Variants in XAF1 observed in about 807,000 individuals in gnomAD.
XAF1 encodes the protein XIAP associated factor 1, also known as XIAP-associated factor 1.
In XAF1, 32 loss-of-function variants were observed where a neutral mutation model predicts 32.3. The ratio of observed to expected loss-of-function variants is 0.99; its 90% CI spans 0.75 to 1.33. The LOEUF is 1.33. Among genes scored for constraint, XAF1 ranks in the 40% most tolerant of loss-of-function variants. The pLI is 0.00. For synonymous variants in XAF1, 120 were observed against 125.9 expected (o/e 0.95, Z 0.31); for missense variants, 379 against 366.0 (o/e 1.04, Z -0.29).
At chr17:6,756,405 A>G in intron 1 of XAF1, 1 of 714,752 alleles carries the variant, frequency 1.4e-6, no homozygotes. Context: ...GGCTACTCAT[A>G]CTTGTGAGAC....
At chr17:6,770,436 A>G (rs879461391) in intron 5 of XAF1, among the ~76,000 whole-genome samples, 8 of 152,202 alleles carry the variant, frequency 5.3e-5, no homozygotes, top group African/African-American at 1.4e-4. Context: ...CATTCAAACC[A>G]TAGCAACCAG....
intron 5 of XAF1, among the ~76,000 whole-genome samples, chr17:6,764,692 C>G (rs1270293119): frequency 6.6e-6 from 1 of 152,050 alleles, no homozygotes; most frequent in Non-Finnish European, 1.5e-5. Flanking sequence ...ACTTCTGATC[C>G]CATTTCCTAT....
chr17:6,766,246 C>T (rs1975622317), intron 5 of XAF1, among the ~76,000 whole-genome samples: 1 of 152,196 alleles, frequency 6.6e-6, no homozygotes, highest in South Asian at 2.1e-4. Context: ...TTTTCCATAG[C>T]ATTTGCCAAC....
chr17:6,763,450 C>G (rs974412826), intron 5 of XAF1, among the ~76,000 whole-genome samples: 1 of 152,152 alleles, frequency 6.6e-6, no homozygotes, highest in Non-Finnish European at 1.5e-5. Flanking sequence ...GCCTCAGCCT[C>G]CGGAGTAGCT....
chr17:6,756,498 C>T (rs984546575), intron 1 of XAF1, among the ~76,000 whole-genome samples: 2 of 151,616 alleles, frequency 1.3e-5, no homozygotes, highest in African/African-American at 4.8e-5. Flanking sequence ...TTCTCCAGGA[C>T]TACTCTCACC....
Position 6,773,484 on chromosome 17 carries a change from G to A in XAF1, c.*315G>A, listed in dbSNP as rs998022444. 1 of 273,874 alleles carries A rather than the reference G, an allele frequency of 3.7e-6. No homozygotes were observed. Among genetic ancestry groups the A allele is most frequent in the East Asian group, 1.1e-4 (1 of 9,096 alleles). 17.0% of individuals were successfully genotyped at this position (273,874 alleles called of 1,614,324 possible). The stretch of plus-strand genomic sequence containing the variant: ...CATCATACTGAATGAGCAAAAGCTG[G>A]AGCATTACTCTTGAGAAGTAGAACA... On this transcript the variant is annotated 3_prime_UTR_variant, in exon 7 of 7. Transcript: ENST00000361842.
chr17:6,758,365 A>G (rs1414909816), intron 2 of XAF1, 141 bp downstream of exon 2: 5 of 1,254,132 alleles, frequency 4.0e-6, no homozygotes, highest in Non-Finnish European at 5.5e-6. Context: ...AGTCAAGGCA[A>G]GTGTTCAGTC....
At chr17:6,768,724 G>T (rs1286733875) in intron 5 of XAF1, among the ~76,000 whole-genome samples, 1 of 152,096 alleles carries the variant, frequency 6.6e-6, no homozygotes, top group Non-Finnish European at 1.5e-5. Context: ...CAGCCTAATT[G>T]CCATTCCTTT....
chr17:6,775,521 A>G lies in XAF1; in HGVS notation c.*2352A>G, dbSNP rs983304174. ...ACTACAAATAAACCAACGGGAAAAA[A>G]GAAAGGTTCCAGTTTTGTCTGAAAA... On this transcript the variant is annotated 3_prime_UTR_variant, in exon 7 of 7. Coordinates refer to ENST00000361842, the MANE Select transcript of XAF1 (RefSeq NM_017523.5). 2.0e-5 allele frequency: 3 copies of G among 152,282 alleles called. No individual in the cohort carries two copies. Among genetic ancestry groups the G allele is most frequent in the African/African-American group, 7.2e-5 (3 of 41,476 alleles). 9.4% of individuals were successfully genotyped at this position (152,282 alleles called of 1,614,324 possible).
intron 2 of XAF1, chr17:6,759,361 G>A (rs1974988086): frequency 2.2e-6 from 3 of 1,347,206 alleles, no homozygotes. Flanking sequence ...CTGGAAGGCA[G>A]TCAGATGGAG....
intron 1 of XAF1, 37 bp downstream of exon 1, chr17:6,756,147 G>A: frequency 6.2e-7 from 1 of 1,613,960 alleles, no homozygotes; most frequent in Non-Finnish European, 8.5e-7. Context: ...GACCCGGGCT[G>A]GCGAGGGAGA....
intron 4 of XAF1, among the ~76,000 whole-genome samples, chr17:6,760,868 G>A (rs947840693): frequency 1.3e-5 from 2 of 152,126 alleles, no homozygotes; most frequent in Non-Finnish European, 1.5e-5. Flanking sequence ...AGAGGCCATG[G>A]AGAAGGCTGG....
chr17:6,756,345 C>G (rs932937170), intron 1 of XAF1: 4 of 1,306,866 alleles, frequency 3.1e-6, no homozygotes, highest in Non-Finnish European at 2.0e-6. Context: ...AAATGTTAGG[C>G]TTTCTGGGAC....
chr17:6,759,704 C>A lies in XAF1; in HGVS notation c.211C>A (p.Leu71Met), dbSNP rs149801864. The change falls in exon 3 of 7, where the codon CTG (leucine) becomes ATG (methionine). Residue 71 changes from leucine (L) to methionine (M), a missense_variant. Physicochemically the swap from Leu to Met is conservative, Grantham distance 15. Coordinates refer to ENST00000361842, the MANE Select transcript of XAF1 (RefSeq NM_017523.5). ...TCAGCAGAGCATGCAGAAGTCCTCG[C>A]TGGAGTTTCATAAGGTAAGAGCCCC... The part of the protein sequence containing the change: ...MCQQSMQKSS[L>M]EFHKANECQE... 6.2e-7 allele frequency: 1 copy of A among 1,613,976 alleles called. No individual in the cohort carries two copies. Among genetic ancestry groups the A allele is most frequent in the Non-Finnish European group, 8.5e-7 (1 of 1,180,016 alleles).
upstream of XAF1, chr17:6,756,018 C>A: frequency 1.2e-6 from 2 of 1,612,966 alleles, no homozygotes; most frequent in South Asian, 2.2e-5. Flanking sequence ...GGAAAACTTT[C>A]AGTTTTGTTT....
chr17:6,760,954 A>G (rs1975158700), intron 4 of XAF1, among the ~76,000 whole-genome samples: 1 of 152,180 alleles, frequency 6.6e-6, no homozygotes, highest in South Asian at 2.1e-4. Flanking sequence ...TGGGAGTTCG[A>G]GACCACCTTG....
rs890811794 is a variant in XAF1 at position 6,760,193 on chromosome 17, C to A, written c.226-213C>A. Among the ~76,000 whole-genome samples the A allele has an allele frequency of 2.0e-5, 3 of 151,986 alleles. No homozygotes were observed. In the South Asian group the frequency reaches 6.2e-4, roughly 32 times the overall value. On this transcript the variant is annotated intron_variant, in intron 3 of 6. Transcript: ENST00000361842. ...TGAAACCCCGTCTCTACTAAAAGTA[C>A]AAAAATTAGCTGGGCGTGGTGGCAC...
rs1975034019 is a variant in XAF1, at chr17:6,759,813, C to A, written c.225+95C>A. On this transcript the variant is annotated intron_variant, in intron 3 of 6. Coordinates refer to ENST00000361842, the MANE Select transcript of XAF1 (RefSeq NM_017523.5). Reference sequence around the variant, plus strand: ...ACGGGAGGCCAGTAATAGAGATTTCCACCTGACCACTCTTTTCACCCCATT... The same window carrying A: ...ACGGGAGGCCAGTAATAGAGATTTCAACCTGACCACTCTTTTCACCCCATT... The A allele has an allele frequency of 3.8e-6, 6 of 1,589,186 alleles. No homozygotes were observed. The African/African-American group carries it at 5.7e-5, about 15-fold the overall frequency.
At chr17:6,765,977 T>TA (rs1381609990) in intron 5 of XAF1, among the ~76,000 whole-genome samples, 2 of 152,216 alleles carry the variant, frequency 1.3e-5, no homozygotes, top group Non-Finnish European at 2.9e-5. Flanking sequence ...TGATCTCATG[T>TA]ACTACTCCTG....
Sources: allele counts gnomAD v4.1 joint callset (sites outside exome capture counted in the v4.1 genomes callset), GRCh38; gene constraint gnomAD v4.1.1; transcripts MANE v1.5; gene names NCBI Gene and HGNC (gene_info 2026-07-23, HGNC 2026-07-21).